The following ATP8B1 variants were observed in gnomAD, a reference collection of about 807,000 sequenced individuals.
The protein encoded by ATP8B1 is phospholipid-transporting ATPase IC.
In ATP8B1, 80 loss-of-function variants were observed where a neutral mutation model predicts 149.9. That is an observed-to-expected ratio of 0.53 (90% CI 0.45 to 0.64). ATP8B1 has a LOEUF of 0.64. ATP8B1 is among the 30% of genes least tolerant of loss of function. The probability of loss-of-function intolerance (pLI) is 0.00; values close to 1 mark genes in which losing one functional copy is unlikely to be tolerated. For missense variants in ATP8B1, 1,247 were observed against 1,552.6 expected (o/e 0.80, Z 3.31); for synonymous variants, 536 against 562.8 (o/e 0.95, Z 0.67).
intron 8 of ATP8B1, among the ~76,000 whole-genome samples, chr18:57,696,271 C>T (rs1160262609): frequency 6.7e-6 from 1 of 149,300 alleles, no homozygotes; most frequent in Non-Finnish European, 1.5e-5. Flanking sequence ...TGAGAATAAA[C>T]AGTCGGGCGC....
At chr18:57,661,141 T>C in intron 22 of ATP8B1, 33 bp downstream of exon 22, 6 of 1,610,600 alleles carry the variant, frequency 3.7e-6, no homozygotes, top group Non-Finnish European at 5.1e-6. Context: ...CTCTAGCACG[T>C]TGGGCCTCAC....
chr18:57,801,362 A>T (rs995680692), intron 1 of ATP8B1, among the ~76,000 whole-genome samples: 2 of 152,230 alleles, frequency 1.3e-5, no homozygotes, highest in African/African-American at 2.4e-5. Context: ...CATTAAGAGA[A>T]TTCAGAGGAG....
At chr18:57,742,211 C>A (rs2079921463) in intron 1 of ATP8B1, among the ~76,000 whole-genome samples, 1 of 152,126 alleles carries the variant, frequency 6.6e-6, no homozygotes, top group Non-Finnish European at 1.5e-5. Context: ...AACTTGATGA[C>A]AGTTGTAATT....
At chr18:57,755,625 T>G (rs1382035010) in intron 1 of ATP8B1, 1 of 152,248 alleles carries the variant, frequency 6.6e-6, no homozygotes, top group African/African-American at 2.4e-5. Flanking sequence ...TTATTATCCA[T>G]GAATCCCAGG....
At chr18:57,676,701 G>C (rs1180177096) in intron 15 of ATP8B1, among the ~76,000 whole-genome samples, 1 of 111,562 alleles carries the variant, frequency 9.0e-6, no homozygotes, top group Non-Finnish European at 1.7e-5. Flanking sequence ...CCTGGTGACA[G>C]ACCGAGACTC....
In ATP8B1 at chr18:57,648,179, T is replaced by G; in HGVS notation, c.*309A>C. ...TTTTTAATTTATGGTAGAGACAGGGTTTCACCATGTTGGCTGGGCTGGTCT... is the reference window on the plus strand; with the variant it reads ...TTTTTAATTTATGGTAGAGACAGGGGTTCACCATGTTGGCTGGGCTGGTCT... On this transcript the variant is annotated 3_prime_UTR_variant, in exon 28 of 28. Transcript: ENST00000648908. The G allele has an allele frequency of 2.1e-6, 1 of 467,204 alleles. No homozygotes were observed. Among genetic ancestry groups the G allele is most frequent in the Non-Finnish European group, 3.9e-6 (1 of 253,794 alleles). 28.9% of individuals were successfully genotyped at this position (467,204 alleles called of 1,614,324 possible).
rs376878874 is a variant in ATP8B1 at position 57,661,401 on chromosome 18, C to A, written c.2480G>T (p.Arg827Ile). 5 of 1,613,760 alleles carry A rather than the reference C, an allele frequency of 3.1e-6. No homozygotes were observed. The highest frequency in any genetic ancestry group is 4.2e-6 in the Non-Finnish European group (5 of 1,179,992). Residue 827 changes from arginine to isoleucine, a missense_variant, in exon 22 of 28, where the codon AGA (arginine) becomes ATA (isoleucine). Around this residue, in one of 3 missense-constraint regions of ATP8B1, gnomAD observed 853 missense variants for 1,035.7 expected, o/e 0.82. Coordinates refer to ENST00000648908, the MANE Select transcript of ATP8B1 (RefSeq NM_001374385.1). ...CCGCATCCGTCTTTCTTCTTCTGTTCTTGGGAACTTCAGCTTCAGAATCTT... is the reference window on the plus strand; with the variant it reads ...CCGCATCCGTCTTTCTTCTTCTGTTATTGGGAACTTCAGCTTCAGAATCTT... The part of the protein sequence containing the change: ...RNKILKLKFP[R>I]TEEERRMRTQ...
At chr18:57,797,990 C>T (rs981156292) in intron 1 of ATP8B1, among the ~76,000 whole-genome samples, 1 of 152,116 alleles carries the variant, frequency 6.6e-6, no homozygotes, top group African/African-American at 2.4e-5. Flanking sequence ...AGGCATGAGC[C>T]ACCACGCCAG....
At chr18:57,707,354 G>A (rs1913457641) in intron 2 of ATP8B1, among the ~76,000 whole-genome samples, 1 of 152,104 alleles carries the variant, frequency 6.6e-6, no homozygotes, top group Non-Finnish European at 1.5e-5. Flanking sequence ...TTGGCACCAA[G>A]TTCTCCATGA....
At position 57,661,315 on chromosome 18, in the gene ATP8B1, G is replaced by T; in HGVS notation, c.2566C>A (p.Leu856Met). The change falls in exon 22 of 28, where the codon CTG (leucine) becomes ATG (methionine). Residue 856 changes from leucine (L) to methionine (M), a missense_variant. By Grantham distance (15) the Leu-to-Met change is conservative. Transcript: ENST00000648908. ...ATGACTGCGCTGCACTCGCAGGCCA[G>T]GTCCACAAAGTTTTTCTGCCGCTGC... ...KEQRQKNFVD[L>M]ACECSAVICC... is the part of the protein sequence containing the mutation. 1 of 1,613,970 alleles carries T rather than the reference G, an allele frequency of 6.2e-7. No homozygotes were observed. The highest frequency in any genetic ancestry group is 1.3e-5 in the African/African-American group (1 of 74,966).
intron 3 of ATP8B1, among the ~76,000 whole-genome samples, chr18:57,705,767 G>C (rs1191809843): frequency 6.6e-6 from 1 of 152,196 alleles, no homozygotes; most frequent in Non-Finnish European, 1.5e-5. Context: ...GTAAACTTCT[G>C]TTGTTTTAAG....
chr18:57,662,637 T>G, intron 20 of ATP8B1, 22 bp from the exon 21 acceptor site: 1 of 1,613,896 alleles, frequency 6.2e-7, no homozygotes. Context: ...CAAATTTCAG[T>G]GTTTAAAGTG....
At chr18:57,729,147 G>T (rs2123118189) in intron 2 of ATP8B1, among the ~76,000 whole-genome samples, 1 of 152,198 alleles carries the variant, frequency 6.6e-6, no homozygotes, top group East Asian at 1.9e-4. Flanking sequence ...AAAAAACAGG[G>T]GATGAGAGTT....
At chr18:57,759,237 A>G (rs2080121995) in intron 1 of ATP8B1, among the ~76,000 whole-genome samples, 1 of 151,528 alleles carries the variant, frequency 6.6e-6, no homozygotes, top group Admixed American at 6.6e-5. Flanking sequence ...GTTTTCCAAG[A>G]CAGAAGTCCT....
At chr18:57,731,138 CACACACACAAAT>C (rs1419123062) in intron 2 of ATP8B1, among the ~76,000 whole-genome samples, 2 of 151,702 alleles carry the variant, frequency 1.3e-5, no homozygotes, top group African/African-American at 4.8e-5. Flanking sequence ...CACACACAAA[CACACACACAAAT>C]ACAAAAATTA....
At chr18:57,718,410 TA>T (rs1184263241) in intron 2 of ATP8B1, among the ~76,000 whole-genome samples, 10 of 152,162 alleles carry the variant, frequency 6.6e-5, no homozygotes, top group African/African-American at 2.4e-4. Flanking sequence ...ATGGCTTCAC[TA>T]CTGAATACTA....
chr18:57,781,840 CCAGGCATAGTGG>C (rs2123418520), intron 1 of ATP8B1, among the ~76,000 whole-genome samples: 1 of 152,254 alleles, frequency 6.6e-6, no homozygotes, highest in East Asian at 1.9e-4. Context: ...TTTTAATTAG[CCAGGCATAGTGG>C]CACACACCTG....
intron 13 of ATP8B1, 114 bp downstream of exon 13, chr18:57,688,185 C>A (rs17063971): frequency 2.6e-6 from 3 of 1,170,062 alleles, no homozygotes; most frequent in South Asian, 1.2e-5. Context: ...AGCAGCAGGA[C>A]TCTGCATCGA....
At chr18:57,742,414 A>G (rs78567275) in intron 1 of ATP8B1, among the ~76,000 whole-genome samples, 1 of 152,192 alleles carries the variant, frequency 6.6e-6, no homozygotes, top group Non-Finnish European at 1.5e-5. Context: ...TAAGGTATCA[A>G]CAGTATCACT....
Sources: allele counts gnomAD v4.1 joint callset (sites outside exome capture counted in the v4.1 genomes callset), GRCh38; gene constraint gnomAD v4.1.1; regional missense constraint gnomAD v4.1.1; transcripts MANE v1.5; gene names NCBI Gene and HGNC (gene_info 2026-07-23, HGNC 2026-07-21).